Variants in CDH4 observed in about 807,000 individuals in gnomAD.
CDH4 encodes cadherin-4.
A neutral mutation model predicts 86.0 loss-of-function variants in CDH4; 33 were observed. That is an observed-to-expected ratio of 0.38 (90% CI 0.29 to 0.51). The LOEUF is 0.51. Ranked by LOEUF, CDH4 falls within the 20% of genes least tolerant of loss-of-function variation. CDH4 has a pLI of 0.86. For missense variants in CDH4, 1,114 were observed against 1,307.4 expected (o/e 0.85, Z 2.28); for synonymous variants, 555 against 549.4 (o/e 1.01, Z -0.14).
intron 2 of CDH4, among the ~76,000 whole-genome samples, chr20:61,287,161 TGTG>T (rs1286496894): frequency 6.6e-6 from 1 of 152,164 alleles, no homozygotes; most frequent in East Asian, 1.9e-4. Flanking sequence ...AGCCTTGTCA[TGTG>T]GTGAAGTGAG....
chr20:61,398,565 G>C (rs968866401), intron 2 of CDH4, among the ~76,000 whole-genome samples: 6 of 152,146 alleles, frequency 3.9e-5, no homozygotes, highest in African/African-American at 1.4e-4. Flanking sequence ...GGAGTCTCCC[G>C]GCGAAATTCC....
At chr20:61,567,649 C>G (rs2086310011) in intron 2 of CDH4, among the ~76,000 whole-genome samples, 1 of 152,216 alleles carries the variant, frequency 6.6e-6, no homozygotes, top group Non-Finnish European at 1.5e-5. Flanking sequence ...GCCGGGTCCT[C>G]CCCTGGAAGG....
intron 2 of CDH4, among the ~76,000 whole-genome samples, chr20:61,305,973 C>A (rs899909973): frequency 6.6e-6 from 1 of 152,262 alleles, no homozygotes; most frequent in South Asian, 2.1e-4. Context: ...AATAGCACCA[C>A]TTCCGTTGAC....
intron 3 of CDH4, among the ~76,000 whole-genome samples, chr20:61,769,873 A>G (rs2088753531): frequency 6.6e-6 from 1 of 152,222 alleles, no homozygotes; most frequent in Non-Finnish European, 1.5e-5. Flanking sequence ...GCATATCAAC[A>G]TAAATTGTCA....
At chr20:61,554,724 T>C (rs1442166167) in intron 2 of CDH4, among the ~76,000 whole-genome samples, 2 of 152,262 alleles carry the variant, frequency 1.3e-5, no homozygotes, top group Non-Finnish European at 2.9e-5. Context: ...TGTTCCTGTG[T>C]GTACACACAT....
chr20:61,852,183 A>T (rs916325318), intron 5 of CDH4, among the ~76,000 whole-genome samples: 2 of 151,036 alleles, frequency 1.3e-5, no homozygotes, highest in Non-Finnish European at 2.9e-5. Flanking sequence ...CTGACAGGGC[A>T]CACAGACGCA....
At chr20:61,792,508 C>T (rs1022826005) in intron 4 of CDH4, among the ~76,000 whole-genome samples, 5 of 152,168 alleles carry the variant, frequency 3.3e-5, no homozygotes, top group Admixed American at 2.0e-4. Flanking sequence ...GTTCAGCTCT[C>T]CAGGATGCTG....
At chr20:61,924,537 G>A in intron 11 of CDH4, 61 bp downstream of exon 11, 1 of 1,561,564 alleles carries the variant, frequency 6.4e-7, no homozygotes, top group Non-Finnish European at 8.7e-7. Context: ...GGGTTCTGTG[G>A]GCGAGGGAGG....
At chr20:61,568,643 C>T (rs1242084250) in intron 2 of CDH4, among the ~76,000 whole-genome samples, 1 of 152,218 alleles carries the variant, frequency 6.6e-6, no homozygotes, top group Non-Finnish European at 1.5e-5. Context: ...GTCTTGGCGC[C>T]TTGGCACTTG....
Position 61,803,884 on chromosome 20 carries a change from C to A in CDH4, c.576+30702C>A, listed in dbSNP as rs148540901. Among the ~76,000 whole-genome samples the A allele has an allele frequency of 6.0e-4, 91 of 152,386 alleles. 4 individuals are homozygous for A. The East Asian group carries it at 0.016, about 27-fold the overall frequency. Reference sequence around the variant, plus strand: ...CAGGAGAAACGAGAACAGGCTCCATCGCTGCAGAGCGTGAGGCCGGCCCCC... The same window carrying A: ...CAGGAGAAACGAGAACAGGCTCCATAGCTGCAGAGCGTGAGGCCGGCCCCC... On this transcript the variant is annotated intron_variant, in intron 4 of 15. Transcript: ENST00000614565.
intron 2 of CDH4, among the ~76,000 whole-genome samples, chr20:61,321,494 TGAGA>T (rs1568796627): frequency 6.6e-6 from 1 of 152,122 alleles, no homozygotes; most frequent in East Asian, 1.9e-4. Context: ...TGTGTGTGTG[TGAGA>T]GAGAATATAA....
chr20:61,711,437 G>A (rs942947470), intron 2 of CDH4, among the ~76,000 whole-genome samples: 1 of 152,206 alleles, frequency 6.6e-6, no homozygotes, highest in African/African-American at 2.4e-5. Context: ...GGCTCCTTCT[G>A]GAGACTCCAG....
chr20:61,614,629 C>A (rs756225744), intron 2 of CDH4, among the ~76,000 whole-genome samples: 2 of 152,028 alleles, frequency 1.3e-5, no homozygotes, highest in African/African-American at 2.4e-5. Context: ...ATTCTGGACA[C>A]CTAGTTTGGG....
At chr20:61,334,125 C>A (rs1302712379) in intron 2 of CDH4, among the ~76,000 whole-genome samples, 1 of 152,206 alleles carries the variant, frequency 6.6e-6, no homozygotes, top group African/African-American at 2.4e-5. Context: ...CCACAGTAAG[C>A]CTCTGGGCCA....
chr20:61,675,097 G>C lies in CDH4; in HGVS notation c.170-68466G>C, dbSNP rs1373466552. On this transcript the variant is annotated intron_variant, in intron 2 of 15. Transcript: ENST00000614565. Reference sequence around the variant, plus strand: ...GTCTTCATTCTAGCAGTGCAGGAAGGGGCTAGGTCTGAGCGACGTGTGACA... The same window carrying C: ...GTCTTCATTCTAGCAGTGCAGGAAGCGGCTAGGTCTGAGCGACGTGTGACA... 2.6e-5 allele frequency among the ~76,000 whole-genome samples: 4 copies of C among 152,354 alleles called. No individual in the cohort carries two copies. In the East Asian group the frequency reaches 7.7e-4, roughly 29 times the overall value.
chr20:61,439,497 G>A (rs1216060471), intron 2 of CDH4, among the ~76,000 whole-genome samples: 1 of 152,204 alleles, frequency 6.6e-6, no homozygotes, highest in Non-Finnish European at 1.5e-5. Flanking sequence ...AGTGGACGCT[G>A]GTCACCAGCT....
intron 4 of CDH4, among the ~76,000 whole-genome samples, chr20:61,833,210 T>C (rs555895474): frequency 1.1e-3 from 174 of 152,172 alleles, no homozygotes; most frequent in African/African-American, 3.9e-3. Flanking sequence ...GCCAGTTACA[T>C]TGGGATTTCT....
intron 2 of CDH4, among the ~76,000 whole-genome samples, chr20:61,572,983 C>T (rs555119468): frequency 4.6e-4 from 67 of 146,272 alleles, no homozygotes; most frequent in African/African-American, 1.4e-3. Context: ...GATGGATGGA[C>T]GGATAGACGG....
At chr20:61,491,137 G>C (rs2085623757) in intron 2 of CDH4, among the ~76,000 whole-genome samples, 1 of 152,184 alleles carries the variant, frequency 6.6e-6, no homozygotes, top group Non-Finnish European at 1.5e-5. Context: ...ATTATAGCAG[G>C]GTTTTGTTTT....
Sources: gnomAD v4.1 joint callset for allele counts (sites outside exome capture counted in the v4.1 genomes callset) on GRCh38, gnomAD v4.1.1 for gene constraint, MANE v1.5 for transcripts, NCBI Gene and HGNC (gene_info 2026-07-23, HGNC 2026-07-21) for gene names.